Variants in GAS7 observed in about 807,000 individuals in gnomAD.
GAS7 encodes growth arrest-specific protein 7.
In GAS7, 28 loss-of-function variants were observed where a neutral mutation model predicts 71.1. That is an observed-to-expected ratio of 0.39 (90% CI 0.29 to 0.54). The LOEUF is 0.54. Ranked by LOEUF, GAS7 falls within the 20% of genes least tolerant of loss-of-function variation. The pLI, the probability that GAS7 is intolerant of heterozygous loss-of-function variation, is 0.62. For missense variants in GAS7, 436 were observed against 627.8 expected, an observed-to-expected ratio of 0.69 and a Z score of 3.27; for synonymous variants, 258 against 245.8, an observed-to-expected ratio of 1.05 and a Z score of -0.46.
intron 1 of GAS7, among the ~76,000 whole-genome samples, chr17:10,046,487 C>T (rs1025929226): frequency 6.6e-6 from 1 of 151,612 alleles, no homozygotes; most frequent in African/African-American, 2.4e-5. Flanking sequence ...ACCTGTCATC[C>T]CAGCACACTG....
intron 1 of GAS7, among the ~76,000 whole-genome samples, chr17:10,177,761 T>G (rs2074383798): frequency 1.3e-5 from 2 of 152,244 alleles, no homozygotes; most frequent in South Asian, 4.1e-4. Context: ...GCAAGAGACT[T>G]GCAGCTGTAG....
At chr17:10,027,460 C>T (rs773772627) in intron 1 of GAS7, among the ~76,000 whole-genome samples, 1 of 152,204 alleles carries the variant, frequency 6.6e-6, no homozygotes, top group African/African-American at 2.4e-5. Flanking sequence ...AAAACTCAGG[C>T]GTTGGCAACA....
intron 1 of GAS7, among the ~76,000 whole-genome samples, chr17:10,117,215 G>GC (rs2073868719): frequency 6.6e-6 from 1 of 152,044 alleles, no homozygotes; most frequent in African/African-American, 2.4e-5. Context: ...TCGTCACTCA[G>GC]CCTCTTGCTT....
chr17:9,974,793 T>C lies in GAS7; in HGVS notation c.386-5031A>G, dbSNP rs2152122952. 6.6e-6 allele frequency among the ~76,000 whole-genome samples: 1 copy of C among 152,120 alleles called. No individual in the cohort carries two copies. The highest frequency in any genetic ancestry group is 6.5e-5 in the Admixed American group (1 of 15,274). On this transcript the variant is annotated intron_variant, in intron 3 of 13. Coordinates refer to ENST00000432992, the MANE Select transcript of GAS7 (RefSeq NM_201433.2). This position sits in a 1 kb window ranked among gnomAD's most constrained non-coding sequence, Gnocchi z 4.0. The stretch of plus-strand genomic sequence containing the variant: ...AAAGAAAGGCGAATATGAAAAGTTA[T>C]CGAGAAAGGCCAAGCAACAAAGAAG...
At chr17:10,016,616 AAAAAAAAAC>A (rs1159760743) in intron 2 of GAS7, among the ~76,000 whole-genome samples, 89 of 146,390 alleles carry the variant, frequency 6.1e-4, no homozygotes, top group African/African-American at 2.1e-3. Context: ...AAAAAAAAAA[AAAAAAAAAC>A]AAAACAAAAA....
chr17:9,933,021 A>C (rs1442020324), intron 9 of GAS7, among the ~76,000 whole-genome samples: 1 of 151,932 alleles, frequency 6.6e-6, no homozygotes, highest in Non-Finnish European at 1.5e-5. Context: ...AAATACAAAA[A>C]ATTAGCTGGG....
chr17:10,004,835 T>C (rs558280151), intron 2 of GAS7, among the ~76,000 whole-genome samples: 170 of 152,080 alleles, frequency 1.1e-3, no homozygotes, highest in Non-Finnish European at 2.1e-3. Flanking sequence ...CATGGTGAAA[T>C]CCTGTCTCTA....
rs371519129 is a variant in GAS7, at chr17:10,088,520, T to C, written c.184-68623A>G. The stretch of plus-strand genomic sequence containing the variant: ...GCCACTCTGACTCTTGTTAAATCTG[T>C]GCAGCCCGGGCAGGAGGGGCAGTTC... On this transcript the variant is annotated intron_variant, in intron 1 of 13. Coordinates refer to ENST00000432992, the MANE Select transcript of GAS7 (RefSeq NM_201433.2). Among the ~76,000 whole-genome samples, 34 of 152,266 alleles carry C rather than the reference T, an allele frequency of 2.2e-4. 1 individual carries two copies. The South Asian group carries it at 6.2e-3, about 28-fold the overall frequency.
chr17:10,066,241 C>T (rs186302944), intron 1 of GAS7, among the ~76,000 whole-genome samples: 1,722 of 152,298 alleles, frequency 0.011, 16 homozygotes, highest in Non-Finnish European at 0.016. Context: ...AGTGCAATGG[C>T]ATGATCTCGG....
chr17:10,039,613 G>T, intron 1 of GAS7: 1 of 357,296 alleles, frequency 2.8e-6, no homozygotes, highest in South Asian at 2.0e-5. Flanking sequence ...AACCCGGGAG[G>T]CAGAGGTTGT....
At chr17:10,167,295 G>T (rs1427362278) in intron 1 of GAS7, among the ~76,000 whole-genome samples, 1 of 151,656 alleles carries the variant, frequency 6.6e-6, no homozygotes, top group Non-Finnish European at 1.5e-5. Context: ...GACCTCAGGT[G>T]ATCCATCCGC....
chr17:9,917,435 T>G (rs929058774), intron 13 of GAS7, 94 bp from the exon 14 acceptor site: 14 of 878,146 alleles, frequency 1.6e-5, no homozygotes, highest in Non-Finnish European at 2.6e-5. Context: ...TTAGTGTCTC[T>G]GAGAGCAGCC....
At chr17:9,964,001 A>T (rs1334813120) in intron 4 of GAS7, among the ~76,000 whole-genome samples, 1 of 152,130 alleles carries the variant, frequency 6.6e-6, no homozygotes, top group African/African-American at 2.4e-5. Flanking sequence ...AAAGGCAGGT[A>T]ATCGTTGGGC....
chr17:9,917,276 G>A lies in GAS7; in HGVS notation c.1383C>T (p.Val461=). 6.2e-7 allele frequency: 1 copy of A among 1,613,914 alleles called. No individual in the cohort carries two copies. Among genetic ancestry groups the A allele is most frequent in the Non-Finnish European group, 8.5e-7 (1 of 1,179,744 alleles). Residue 461 remains valine, a synonymous_variant, in exon 14 of 14, where the codon GTC becomes GTT. Coordinates refer to ENST00000432992, the MANE Select transcript of GAS7 (RefSeq NM_201433.2). ...GGATGTTGCCCGTCTTGTGCTCTCT[G>A]ACCCACAGCTCCCTGTCTTTGGCCG... ...VDPAKDRELW[V]REHKTGNIRP... is the part of the protein sequence containing the mutation.
rs1196012517 is a variant in GAS7, at chr17:10,143,024, A to G, written c.183+55184T>C. Among the ~76,000 whole-genome samples the G allele has an allele frequency of 2.2e-4, 32 of 145,662 alleles. No individual in the cohort carries two copies. The South Asian group carries it at 7.1e-3, about 32-fold the overall frequency. ...CATCTCTACTAAAAATACAAAAAAAAAAAAAAAATTAGCCAGGCATAATGG... is the reference window on the plus strand; with the variant it reads ...CATCTCTACTAAAAATACAAAAAAAGAAAAAAAATTAGCCAGGCATAATGG... On this transcript the variant is annotated intron_variant, in intron 1 of 13. Transcript: ENST00000432992.
chr17:10,128,506 C>T (rs28391220), intron 1 of GAS7, among the ~76,000 whole-genome samples: 2 of 152,064 alleles, frequency 1.3e-5, no homozygotes, highest in African/African-American at 2.4e-5. Flanking sequence ...ATGCCTCCCC[C>T]TCTCACCCCC....
intron 2 of GAS7, among the ~76,000 whole-genome samples, chr17:9,989,134 C>T (rs1212522301): frequency 6.6e-6 from 1 of 152,112 alleles, no homozygotes; most frequent in Non-Finnish European, 1.5e-5. Flanking sequence ...CGCGCCCGGC[C>T]CATTTCCACT....
At chr17:10,170,599 G>T (rs1177346083) in intron 1 of GAS7, among the ~76,000 whole-genome samples, 1 of 152,156 alleles carries the variant, frequency 6.6e-6, no homozygotes, top group Non-Finnish European at 1.5e-5. Flanking sequence ...ACATTTTCTA[G>T]ATCACCATGC....
In GAS7 at chr17:9,926,554, T is replaced by C; in HGVS notation, c.1014+87A>G. The C allele has an allele frequency of 2.2e-6, 3 of 1,388,854 alleles. No individual in the cohort carries two copies. The highest frequency in any genetic ancestry group is 3.0e-6 in the Non-Finnish European group (3 of 988,220). The allele number at this position is 1,388,854 out of a possible 1,614,324, so 86.0% of individuals were successfully genotyped here. On this transcript the variant is annotated intron_variant, in intron 10 of 13. Transcript: ENST00000432992. This position sits in a 1 kb window ranked among gnomAD's most constrained non-coding sequence, Gnocchi z 5.0. ...TGGGGACAAAGACTCAGCCTTGGCG[T>C]ATGGAGCCACTGCTGGCTTCCCAGT... is the stretch of plus-strand genomic sequence containing the variant.
Sources: gnomAD v4.1 joint callset for allele counts (sites outside exome capture counted in the v4.1 genomes callset) on GRCh38, gnomAD v4.1.1 for gene constraint, Gnocchi (gnomAD v3.1) non-coding constraint, MANE v1.5 for transcripts, NCBI Gene and HGNC (gene_info 2026-07-23, HGNC 2026-07-21) for gene names.